SLC39A11: variants seen among roughly 807,000 people sequenced by gnomAD.
SLC39A11 encodes zinc transporter ZIP11.
SLC39A11 carries 33 observed loss-of-function variants against 36.1 expected under a neutral mutation model. That is an observed-to-expected ratio of 0.91 (90% confidence interval 0.69 to 1.22). SLC39A11 has a LOEUF of 1.22. Ranked by LOEUF, SLC39A11 falls within the 50% of genes most tolerant of loss-of-function variation. SLC39A11 has a pLI of 0.00. For synonymous variants in SLC39A11, 166 were observed against 170.3 expected (o/e 0.97, Z 0.20); for missense variants, 432 against 430.3 (o/e 1.00, Z -0.03).
chr17:72,766,316 G>A (rs886391091), intron 6 of SLC39A11, among the ~76,000 whole-genome samples: 3 of 152,260 alleles, frequency 2.0e-5, no homozygotes, highest in Middle Eastern at 3.4e-3. Context: ...AGAAACCATC[G>A]CCCAAAGGGG....
At chr17:72,820,681 C>T (rs1242429202) in intron 6 of SLC39A11, among the ~76,000 whole-genome samples, 3 of 151,230 alleles carry the variant, frequency 2.0e-5, no homozygotes, top group East Asian at 1.9e-4. Flanking sequence ...GAAAGGCAAA[C>T]GATGGACGCT....
chr17:72,959,215 A>T (rs2147894810), intron 4 of SLC39A11, among the ~76,000 whole-genome samples: 1 of 151,602 alleles, frequency 6.6e-6, no homozygotes, highest in South Asian at 2.1e-4. Context: ...ATACTTGCAC[A>T]TGCATGTTTG....
rs761535972 is a variant in SLC39A11, at chr17:73,021,858, C to T, written c.306+9698G>A. Among the ~76,000 whole-genome samples the T allele has an allele frequency of 3.9e-5, 6 of 152,222 alleles. No homozygotes were observed. The South Asian group carries it at 1.2e-3, about 32-fold the overall frequency. On this transcript the variant is annotated intron_variant, in intron 4 of 9. Coordinates refer to ENST00000255559, the MANE Select transcript of SLC39A11 (RefSeq NM_139177.4). The stretch of plus-strand genomic sequence containing the variant: ...AAGGTTCCAACCAAGCCTATCTGCA[C>T]TCAAGACTCCCCACCACTCTTAGAC...
intron 4 of SLC39A11, among the ~76,000 whole-genome samples, chr17:73,025,742 T>C (rs181441977): frequency 1.4e-3 from 207 of 151,786 alleles, no homozygotes; most frequent in African/African-American, 4.9e-3. Flanking sequence ...ATTTAAAGTA[T>C]ACTCAAACAA....
At chr17:72,968,648 G>A (rs992205775) in intron 4 of SLC39A11, among the ~76,000 whole-genome samples, 7 of 151,996 alleles carry the variant, frequency 4.6e-5, no homozygotes, top group South Asian at 2.1e-4. Flanking sequence ...CTCCCCGACC[G>A]CCCATCAGCA....
At position 72,924,162 on chromosome 17, in the gene SLC39A11, A is replaced by ATT. The variant is rs34723416; in HGVS notation, c.430+23588_430+23589dup. 7.8e-3 allele frequency among the ~76,000 whole-genome samples: 942 copies of ATT among 120,534 alleles called. 16 individuals carry two copies. The highest frequency in any genetic ancestry group is 0.049 in the East Asian group (216 of 4,394). 79.1% of individuals were successfully genotyped at this position (120,534 alleles called of 152,430 possible). Reference sequence around the variant, plus strand: ...CCCCGTCTCAAAAAAAAAAAAAAAAATTTTTTTTTTTTTTTTAAGGAAAGA... The same window carrying ATT: ...CCCCGTCTCAAAAAAAAAAAAAAAAATTTTTTTTTTTTTTTTTTAAGGAAAGA... On this transcript the variant is annotated intron_variant, in intron 5 of 9. Coordinates refer to ENST00000255559, the MANE Select transcript of SLC39A11 (RefSeq NM_139177.4).
At chr17:72,790,370 A>G (rs1406473961) in intron 6 of SLC39A11, among the ~76,000 whole-genome samples, 1 of 152,190 alleles carries the variant, frequency 6.6e-6, no homozygotes, top group Non-Finnish European at 1.5e-5. Flanking sequence ...GCTCATCTGA[A>G]CAACAAAACC....
intron 6 of SLC39A11, among the ~76,000 whole-genome samples, chr17:72,751,380 C>T (rs1439950644): frequency 1.3e-5 from 2 of 152,208 alleles, no homozygotes; most frequent in Admixed American, 1.3e-4. Flanking sequence ...TTCTAAGAAT[C>T]GTGGCCCCCA....
intron 7 of SLC39A11, among the ~76,000 whole-genome samples, chr17:72,733,236 T>C (rs1298282198): frequency 6.6e-6 from 1 of 152,242 alleles, no homozygotes; most frequent in Non-Finnish European, 1.5e-5. Context: ...TCTTTCTCCT[T>C]AGTCCTTGGC....
chr17:72,912,672 G>T (rs116084496), intron 5 of SLC39A11, among the ~76,000 whole-genome samples: 2 of 151,646 alleles, frequency 1.3e-5, no homozygotes, highest in Non-Finnish European at 2.9e-5. Context: ...GAGGGTACGG[G>T]GGTGAGGAGG....
In SLC39A11 at chr17:72,682,723, C is replaced by G. The variant is rs145857291; in HGVS notation, c.672-33455G>C. On this transcript the variant is annotated intron_variant, in intron 7 of 9. Coordinates refer to ENST00000255559, the MANE Select transcript of SLC39A11 (RefSeq NM_139177.4). ...ATTTCTGTGGGAGGCTGTCCTGTAACCATCAGCTCTTCACCTCCAATCATG... is the reference window on the plus strand; with the variant it reads ...ATTTCTGTGGGAGGCTGTCCTGTAAGCATCAGCTCTTCACCTCCAATCATG... Among the ~76,000 whole-genome samples the G allele has an allele frequency of 3.2e-3, 490 of 152,350 alleles. 2 individuals are homozygous for G. Among genetic ancestry groups the G allele is most frequent in the African/African-American group, 0.011 (468 of 41,586 alleles).
At chr17:72,812,253 C>A (rs1445399956) in intron 6 of SLC39A11, among the ~76,000 whole-genome samples, 1 of 152,184 alleles carries the variant, frequency 6.6e-6, no homozygotes, top group Non-Finnish European at 1.5e-5. Flanking sequence ...GGGCAGTCAA[C>A]CTGATGGGCT....
rs758524293 is a variant in SLC39A11, at chr17:72,648,929, AGG to A, written c.801_802del (p.Leu268GlyfsTer13). ...GGCAAAGGCACCAAAGACCCCGGCC[AGG>A]GGCTCCACCATGCCGCTCAGCTGCC... On this transcript the variant is annotated frameshift_variant, in exon 9 of 10. Coordinates refer to ENST00000255559, the MANE Select transcript of SLC39A11 (RefSeq NM_139177.4). LOFTEE classifies it high-confidence loss of function. 6.2e-7 allele frequency: 1 copy of A among 1,613,850 alleles called. No individual in the cohort carries two copies. Among genetic ancestry groups the A allele is most frequent in the East Asian group, 2.2e-5 (1 of 44,878 alleles).
chr17:72,675,337 A>G (rs1283804347), intron 7 of SLC39A11, among the ~76,000 whole-genome samples: 1 of 152,164 alleles, frequency 6.6e-6, no homozygotes, highest in African/African-American at 2.4e-5. Flanking sequence ...CCATCTACGA[A>G]CCAGCAAGTG....
At chr17:73,050,462 CT>C (rs558193911) in intron 3 of SLC39A11, among the ~76,000 whole-genome samples, 14,821 of 124,254 alleles carry the variant, frequency 0.12, 787 homozygotes, top group South Asian at 0.19. Flanking sequence ...TGTGAACTGA[CT>C]TTTTTTTTTT....
Position 73,040,995 on chromosome 17 carries a change from C to A in SLC39A11, c.148-9281G>T, listed in dbSNP as rs1238922798. On this transcript the variant is annotated intron_variant, in intron 3 of 9. Transcript: ENST00000255559. Reference sequence around the variant, plus strand: ...GTCAGACTCCATCTCAAAAAAAAAACAAAAAACAAAAAACAAAAAAAAAAA... The same window carrying A: ...GTCAGACTCCATCTCAAAAAAAAAAAAAAAAACAAAAAACAAAAAAAAAAA... Among the ~76,000 whole-genome samples the A allele has an allele frequency of 6.0e-3, 795 of 133,496 alleles. 3 individuals are homozygous for A. The highest frequency in any genetic ancestry group is 7.5e-3 in the Non-Finnish European group (486 of 64,714). The allele number at this position is 133,496 out of a possible 152,430, so 87.6% of individuals were successfully genotyped here.
At chr17:73,079,979 G>A (rs2060459521) in intron 3 of SLC39A11, among the ~76,000 whole-genome samples, 1 of 152,082 alleles carries the variant, frequency 6.6e-6, no homozygotes, top group Non-Finnish European at 1.5e-5. Context: ...CTGAAAAGAA[G>A]TCATAAATGA....
chr17:72,846,834 G>T (rs1205891172), intron 6 of SLC39A11, among the ~76,000 whole-genome samples: 1 of 152,082 alleles, frequency 6.6e-6, no homozygotes, highest in African/African-American at 2.4e-5. Context: ...CTAAAGAAGG[G>T]GTCATAAATG....
chr17:72,861,590 G>C (rs2079989920), intron 5 of SLC39A11, among the ~76,000 whole-genome samples: 1 of 143,102 alleles, frequency 7.0e-6, no homozygotes, highest in African/African-American at 2.6e-5. Flanking sequence ...TTGACAGACA[G>C]ACAGATGGAT....
Sources: allele counts gnomAD v4.1 joint callset (sites outside exome capture counted in the v4.1 genomes callset), GRCh38; gene constraint gnomAD v4.1.1; transcripts MANE v1.5; gene names NCBI Gene and HGNC (gene_info 2026-07-23, HGNC 2026-07-21).